Variants in ZNF385D observed in about 807,000 individuals in gnomAD.
ZNF385D encodes zinc finger protein 659.
Under a neutral mutation model 35.8 loss-of-function variants are expected in ZNF385D, and 15 were observed. The ratio of observed to expected loss-of-function variants is 0.42; its 90% confidence interval spans 0.28 to 0.64. ZNF385D has a LOEUF of 0.64. Among genes scored for constraint, ZNF385D ranks in the 30% least tolerant of loss-of-function variants. ZNF385D has a pLI of 0.23. For missense variants in ZNF385D, 474 were observed against 494.6 expected (o/e 0.96, Z 0.39); for synonymous variants, 212 against 186.8 (o/e 1.13, Z -1.10).
At chr3:21,440,514 TC>T (rs1428184214) in intron 4 of ZNF385D, among the ~76,000 whole-genome samples, 4 of 152,066 alleles carry the variant, frequency 2.6e-5, no homozygotes, top group African/African-American at 9.7e-5. Context: ...TAACATGGGA[TC>T]CTGAATGAGA....
chr3:21,920,787 T>G (rs1231545657), intron 3 of ZNF385D, among the ~76,000 whole-genome samples: 6 of 152,114 alleles, frequency 3.9e-5, no homozygotes, highest in Non-Finnish European at 8.8e-5. Flanking sequence ...TTTGAGGAAG[T>G]TGGAGTTATT....
At chr3:21,551,982 A>C (rs904861400) in intron 3 of ZNF385D, among the ~76,000 whole-genome samples, 13 of 152,158 alleles carry the variant, frequency 8.5e-5, no homozygotes, top group African/African-American at 3.1e-4. Flanking sequence ...AAAGAACTAC[A>C]AACTATTATT....
Position 21,414,675 on chromosome 3 carries a change from C to T in ZNF385D, c.*6539G>A, listed in dbSNP as rs1399555207. ...AATGTCAAGTGAATTGGCCCAGTTT[C>T]CTCGTAGATGATTGGTAGTGAAGCC... On this transcript the variant is annotated 3_prime_UTR_variant, in exon 8 of 8. Coordinates refer to ENST00000281523, the MANE Select transcript of ZNF385D (RefSeq NM_024697.3). The T allele has an allele frequency of 6.6e-6, 1 of 152,166 alleles. No homozygotes were observed. The highest frequency in any genetic ancestry group is 2.1e-4 in the South Asian group (1 of 4,814). 9.4% of individuals were successfully genotyped at this position (152,166 alleles called of 1,614,324 possible).
intron 6 of ZNF385D, among the ~76,000 whole-genome samples, chr3:21,424,317 A>ATATATTT (rs1221923155): frequency 6.3e-5 from 4 of 63,808 alleles, no homozygotes; most frequent in African/African-American, 2.5e-4. Context: ...ATATATATAT[A>ATATATTT]TTTTTTTTTT....
chr3:21,913,182 G>A (rs1559748079), intron 3 of ZNF385D, among the ~76,000 whole-genome samples: 1 of 152,052 alleles, frequency 6.6e-6, no homozygotes, highest in Admixed American at 6.6e-5. Flanking sequence ...AATCCTTGAG[G>A]TCACTAGGTG....
chr3:21,992,266 A>G (rs1435215379), intron 3 of ZNF385D, among the ~76,000 whole-genome samples: 1 of 152,138 alleles, frequency 6.6e-6, no homozygotes, highest in East Asian at 1.9e-4. Context: ...CCTAGAAGGT[A>G]TCTAGTAGCT....
At chr3:21,619,971 G>A (rs1020730214) in intron 2 of ZNF385D, among the ~76,000 whole-genome samples, 6 of 152,084 alleles carry the variant, frequency 3.9e-5, no homozygotes, top group African/African-American at 1.4e-4. Flanking sequence ...CATGAAGAGG[G>A]TACTGACACA....
chr3:21,816,733 C>T, intron 3 of ZNF385D, among the ~76,000 whole-genome samples: 1 of 152,118 alleles, frequency 6.6e-6, no homozygotes. Context: ...TAGGAAGAAT[C>T]AATATCATGA....
At chr3:21,932,194 A>AAAAAAAAAAAT (rs1701047571) in intron 3 of ZNF385D, among the ~76,000 whole-genome samples, 2 of 140,808 alleles carry the variant, frequency 1.4e-5, no homozygotes, top group Non-Finnish European at 1.5e-5. Flanking sequence ...AAAAAAAAAA[A>AAAAAAAAAAAT]GTGTGACTTG....
chr3:21,834,661 C>T (rs1051692320), intron 3 of ZNF385D, among the ~76,000 whole-genome samples: 29 of 152,226 alleles, frequency 1.9e-4, no homozygotes, highest in Admixed American at 1.6e-3. Flanking sequence ...TGTTACTTAA[C>T]GCATATCCTA....
At chr3:21,989,184 A>C (rs1044279270) in intron 3 of ZNF385D, among the ~76,000 whole-genome samples, 1 of 151,952 alleles carries the variant, frequency 6.6e-6, no homozygotes, top group Admixed American at 6.5e-5. Context: ...CTCCGACCCC[A>C]TCTCCCTCAA....
At chr3:22,104,693 G>C (rs1024534465) in intron 3 of ZNF385D, among the ~76,000 whole-genome samples, 9 of 152,034 alleles carry the variant, frequency 5.9e-5, no homozygotes, top group African/African-American at 2.2e-4. Flanking sequence ...CCCATAACTA[G>C]AAAGAAAAAT....
chr3:22,319,378 T>C (rs1407150210), intron 2 of ZNF385D, among the ~76,000 whole-genome samples: 1 of 151,724 alleles, frequency 6.6e-6, no homozygotes. Flanking sequence ...AACTATTTAA[T>C]ATATTAAATT....
At chr3:22,140,921 T>G (rs1370489023) in intron 3 of ZNF385D, among the ~76,000 whole-genome samples, 2 of 152,208 alleles carry the variant, frequency 1.3e-5, no homozygotes, top group African/African-American at 4.8e-5. Flanking sequence ...ATCCAGGTTT[T>G]GGGGTTGCTG....
chr3:22,260,709 A>G (rs140500370), intron 2 of ZNF385D, among the ~76,000 whole-genome samples: 3 of 151,990 alleles, frequency 2.0e-5, no homozygotes, highest in South Asian at 2.1e-4. Flanking sequence ...AACATAAAAA[A>G]TACCTTCTAA....
chr3:22,288,068 T>C (rs1434053092), intron 2 of ZNF385D, among the ~76,000 whole-genome samples: 1 of 152,078 alleles, frequency 6.6e-6, no homozygotes, highest in African/African-American at 2.4e-5. Context: ...CTCAGTATTC[T>C]GAAATATCAA....
intron 3 of ZNF385D, among the ~76,000 whole-genome samples, chr3:21,810,380 G>A (rs1197624383): frequency 2.0e-5 from 3 of 151,872 alleles, no homozygotes; most frequent in Non-Finnish European, 2.9e-5. Flanking sequence ...TGTCGGGGGT[G>A]GGGGCTGGGG....
intron 1 of ZNF385D, among the ~76,000 whole-genome samples, chr3:21,740,293 G>A (rs1256623517): frequency 6.6e-6 from 1 of 152,174 alleles, no homozygotes; most frequent in Non-Finnish European, 1.5e-5. Flanking sequence ...TACTCAAAGT[G>A]TGACCAGTGG....
chr3:22,127,047 T>C (rs997617754), intron 3 of ZNF385D, among the ~76,000 whole-genome samples: 8 of 152,114 alleles, frequency 5.3e-5, no homozygotes, highest in Admixed American at 4.6e-4. Context: ...CATCTCATTA[T>C]TTTCAGTCTA....
Sources: gnomAD v4.1 joint callset for allele counts (sites outside exome capture counted in the v4.1 genomes callset) on GRCh38, gnomAD v4.1.1 for gene constraint, MANE v1.5 for transcripts, NCBI Gene and HGNC (gene_info 2026-07-23, HGNC 2026-07-21) for gene names.